Variants in ZNF385D observed in about 807,000 individuals in gnomAD.
ZNF385D encodes zinc finger protein 659.
A neutral mutation model predicts 35.8 loss-of-function variants in ZNF385D; 15 were observed. The observed-to-expected ratio is 0.42, with a 90% CI of 0.28 to 0.64. The LOEUF (loss-of-function observed/expected upper bound fraction) is 0.64. ZNF385D is among the 30% of genes least tolerant of loss of function. The probability of loss-of-function intolerance (pLI) is 0.23; values close to 1 mark genes in which losing one functional copy is unlikely to be tolerated. For synonymous variants in ZNF385D, 212 were observed against 186.8 expected (o/e 1.13, Z -1.10); for missense variants, 474 against 494.6 (o/e 0.96, Z 0.39).
intron 2 of ZNF385D, among the ~76,000 whole-genome samples, chr3:22,262,812 C>T (rs1250124067): frequency 3.3e-5 from 5 of 151,916 alleles, no homozygotes; most frequent in Non-Finnish European, 7.4e-5. Flanking sequence ...TCAACATCCT[C>T]ACGATTTGCC....
chr3:21,881,464 G>A (rs1464199381), intron 3 of ZNF385D, among the ~76,000 whole-genome samples: 1 of 151,922 alleles, frequency 6.6e-6, no homozygotes, highest in Non-Finnish European at 1.5e-5. Flanking sequence ...ATTATTTTAA[G>A]TCCACTGTTG....
At chr3:22,369,437 A>T (rs1277792324) in intron 2 of ZNF385D, among the ~76,000 whole-genome samples, 1 of 152,192 alleles carries the variant, frequency 6.6e-6, no homozygotes, top group Non-Finnish European at 1.5e-5. Context: ...CTAAGGTTAA[A>T]TATGTTAGCT....
intron 2 of ZNF385D, among the ~76,000 whole-genome samples, chr3:22,195,366 A>G (rs756687533): frequency 6.6e-6 from 1 of 151,964 alleles, no homozygotes; most frequent in Non-Finnish European, 1.5e-5. Flanking sequence ...GTACCCACAC[A>G]TACACACAAA....
chr3:21,515,609 A>G (rs1707506588), intron 3 of ZNF385D, among the ~76,000 whole-genome samples: 1 of 152,238 alleles, frequency 6.6e-6, no homozygotes, highest in African/African-American at 2.4e-5. Context: ...ATTTAGCACA[A>G]CTGACTCCAT....
chr3:22,105,264 C>T (rs928709123), intron 3 of ZNF385D, among the ~76,000 whole-genome samples: 1 of 150,628 alleles, frequency 6.6e-6, no homozygotes, highest in Non-Finnish European at 1.5e-5. Context: ...AAATAGTGTA[C>T]ATTTAACACA....
intron 2 of ZNF385D, among the ~76,000 whole-genome samples, chr3:21,652,890 G>A (rs1028739421): frequency 1.2e-4 from 19 of 152,224 alleles, no homozygotes; most frequent in Admixed American, 8.5e-4. Context: ...GAGTATTAAC[G>A]TGTCTTCATT....
rs1448961976 is a variant in ZNF385D at position 21,465,641 on chromosome 3, G to T, written c.440-28438C>A. 6.6e-6 allele frequency among the ~76,000 whole-genome samples: 1 copy of T among 152,190 alleles called. No individual in the cohort carries two copies. The highest frequency in any genetic ancestry group is 1.5e-5 in the Non-Finnish European group (1 of 68,040). The stretch of plus-strand genomic sequence containing the variant: ...TTCCTGGCACTCTTGTCTCACATCT[G>T]TGTAAGTCTCCGTGTATCTTATTTT... On this transcript the variant is annotated intron_variant, in intron 4 of 7. Transcript: ENST00000281523. This position sits in a 1 kb window ranked among gnomAD's most constrained non-coding sequence, Gnocchi z 4.2.
At chr3:21,729,569 G>A (rs1360894316) in intron 1 of ZNF385D, among the ~76,000 whole-genome samples, 1 of 152,116 alleles carries the variant, frequency 6.6e-6, no homozygotes, top group African/African-American at 2.4e-5. Context: ...GATAAGGTTT[G>A]GGCTCACCCA....
At chr3:22,207,349 A>G (rs1697224513) in intron 2 of ZNF385D, among the ~76,000 whole-genome samples, 1 of 151,910 alleles carries the variant, frequency 6.6e-6, no homozygotes, top group Admixed American at 6.6e-5. Flanking sequence ...GAAAAGCACA[A>G]TATCATCAGT....
At chr3:21,728,003 G>C (rs920918636) in intron 1 of ZNF385D, among the ~76,000 whole-genome samples, 1 of 152,024 alleles carries the variant, frequency 6.6e-6, no homozygotes, top group Non-Finnish European at 1.5e-5. Context: ...GGATGAAGCT[G>C]GAAACCATCA....
chr3:21,874,178 T>C (rs180918976), intron 3 of ZNF385D, among the ~76,000 whole-genome samples: 3 of 152,068 alleles, frequency 2.0e-5, no homozygotes, highest in Non-Finnish European at 4.4e-5. Context: ...TTTCTTTTTT[T>C]AAATAATGGC....
At chr3:21,971,356 A>G (rs1703245151) in intron 3 of ZNF385D, among the ~76,000 whole-genome samples, 1 of 151,994 alleles carries the variant, frequency 6.6e-6, no homozygotes, top group Admixed American at 6.6e-5. Context: ...TTAGTTTTCA[A>G]TTTACTTGCT....
intron 4 of ZNF385D, among the ~76,000 whole-genome samples, chr3:21,444,387 GTTTTT>G (rs137978112): frequency 0.34 from 45,731 of 133,914 alleles, 8,828 homozygotes; most frequent in African/African-American, 0.56. Flanking sequence ...GCCTTTTTTT[GTTTTT>G]TTTTTTTTTT....
intron 3 of ZNF385D, among the ~76,000 whole-genome samples, chr3:21,914,381 C>CT (rs5847151): frequency 1.6e-4 from 22 of 138,750 alleles, no homozygotes; most frequent in Middle Eastern, 3.8e-3. Context: ...TTTTGTTTGA[C>CT]TTTTTTTTTT....
intron 3 of ZNF385D, among the ~76,000 whole-genome samples, chr3:22,046,909 C>A (rs912878363): frequency 6.6e-6 from 1 of 152,046 alleles, no homozygotes; most frequent in African/African-American, 2.4e-5. Context: ...ACACTTTATA[C>A]TATACTATAT....
intron 1 of ZNF385D, among the ~76,000 whole-genome samples, chr3:21,675,671 C>A (rs1278062134): frequency 6.6e-6 from 1 of 151,954 alleles, no homozygotes; most frequent in African/African-American, 2.4e-5. Flanking sequence ...TACTAAGAGG[C>A]GATCATTTGT....
At chr3:22,229,941 T>C (rs1427153772) in intron 2 of ZNF385D, among the ~76,000 whole-genome samples, 1 of 152,170 alleles carries the variant, frequency 6.6e-6, no homozygotes, top group African/African-American at 2.4e-5. Context: ...TAGCGCATAA[T>C]CCACTTTTCT....
chr3:21,779,398 T>C (rs1035915413), intron 3 of ZNF385D, among the ~76,000 whole-genome samples: 2 of 151,878 alleles, frequency 1.3e-5, no homozygotes, highest in African/African-American at 4.8e-5. Context: ...GTCTGCTTTA[T>C]AAAAATGTGA....
At chr3:21,959,780 A>C (rs1475672371) in intron 3 of ZNF385D, among the ~76,000 whole-genome samples, 1 of 152,142 alleles carries the variant, frequency 6.6e-6, no homozygotes, top group Non-Finnish European at 1.5e-5. Context: ...TCCAAGGCAA[A>C]ATAGAGAATC....
Sources: gnomAD v4.1 joint callset for allele counts (sites outside exome capture counted in the v4.1 genomes callset) on GRCh38, gnomAD v4.1.1 for gene constraint, Gnocchi (gnomAD v3.1) non-coding constraint, MANE v1.5 for transcripts, NCBI Gene and HGNC (gene_info 2026-07-23, HGNC 2026-07-21) for gene names.